Variants in NFIA observed in about 807,000 individuals in gnomAD.
The protein encoded by NFIA is nuclear factor I A.
In NFIA, 8 loss-of-function variants were observed where a neutral mutation model predicts 62.8. The observed-to-expected ratio is 0.13, with a 90% CI of 0.07 to 0.23. The LOEUF (loss-of-function observed/expected upper bound fraction) is 0.23. Among genes scored for constraint, NFIA ranks in the 10% least tolerant of loss-of-function variants. The pLI is 1.00. For synonymous variants in NFIA, 235 were observed against 238.1 expected, an observed-to-expected ratio of 0.99 and a Z score of 0.12; for missense variants, 410 against 642.1, an observed-to-expected ratio of 0.64 and a Z score of 3.91.
At chr1:61,118,946 G>T in intron 2 of NFIA, among the ~76,000 whole-genome samples, 1 of 152,004 alleles carries the variant, frequency 6.6e-6, no homozygotes, top group Non-Finnish European at 1.5e-5. Flanking sequence ...GAGGAGGATC[G>T]CTTTGATCTA....
chr1:61,237,517 A>G (rs1337348958), intron 2 of NFIA, among the ~76,000 whole-genome samples: 1 of 152,244 alleles, frequency 6.6e-6, no homozygotes, highest in Non-Finnish European at 1.5e-5. Context: ...TAGTGTTTTC[A>G]TCATTGGCAG....
upstream of NFIA, chr1:61,081,918 C>G: frequency 1.3e-6 from 2 of 1,549,294 alleles, no homozygotes; most frequent in Non-Finnish European, 1.7e-6. Flanking sequence ...CCTAGGAGGT[C>G]TGATTTTTCA....
In NFIA at chr1:61,220,461, T is replaced by C. The variant is rs1173875956; in HGVS notation, c.560-57059T>C. 3.3e-5 allele frequency among the ~76,000 whole-genome samples: 5 copies of C among 152,236 alleles called. No individual in the cohort carries two copies. The South Asian group carries it at 1.0e-3, about 32-fold the overall frequency. ...TACTGGGTATTTACCTAATTTATTG[T>C]GGCAATGCGGTATTTAGACCACTGA... is the stretch of plus-strand genomic sequence containing the variant. On this transcript the variant is annotated intron_variant, in intron 2 of 10. Coordinates refer to ENST00000403491, the MANE Select transcript of NFIA (RefSeq NM_001134673.4).
At chr1:61,344,028 T>C (rs1391014269) in intron 4 of NFIA, among the ~76,000 whole-genome samples, 12 of 152,350 alleles carry the variant, frequency 7.9e-5, no homozygotes, top group Admixed American at 3.3e-4. Context: ...CACAAATTGA[T>C]AAAATGAGTT....
At chr1:61,407,967 C>A (rs1665928844) in intron 9 of NFIA, among the ~76,000 whole-genome samples, 1 of 151,788 alleles carries the variant, frequency 6.6e-6, no homozygotes, top group Non-Finnish European at 1.5e-5. Context: ...GGGAAAGAGA[C>A]AAAGAAGAAA....
chr1:61,347,889 A>C (rs760935330), intron 4 of NFIA, among the ~76,000 whole-genome samples: 5 of 151,890 alleles, frequency 3.3e-5, no homozygotes, highest in Non-Finnish European at 7.4e-5. Context: ...TTTAACCCTG[A>C]CTCTCTCTTT....
chr1:61,113,596 GAAAA>G (rs376543670), intron 2 of NFIA, among the ~76,000 whole-genome samples: 4 of 106,990 alleles, frequency 3.7e-5, no homozygotes, highest in Non-Finnish European at 5.3e-5. Context: ...CTCCATCTCA[GAAAA>G]AAAAAAAAAA....
chr1:61,237,216 T>C (rs1655063146), intron 2 of NFIA, among the ~76,000 whole-genome samples: 1 of 152,232 alleles, frequency 6.6e-6, no homozygotes. Context: ...AACATCAAAC[T>C]TACATAGCCA....
At chr1:61,200,036 A>ATG (rs1652340217) in intron 2 of NFIA, among the ~76,000 whole-genome samples, 1 of 46,108 alleles carries the variant, frequency 2.2e-5, no homozygotes, top group Non-Finnish European at 3.8e-5. Context: ...ATATATATAT[A>ATG]TATATATATA....
intron 6 of NFIA, among the ~76,000 whole-genome samples, chr1:61,371,656 C>G (rs145806510): frequency 2.0e-5 from 3 of 152,254 alleles, no homozygotes; most frequent in African/African-American, 4.8e-5. Context: ...CTTGAGGGAG[C>G]AATTCAGTAA....
intron 2 of NFIA, among the ~76,000 whole-genome samples, chr1:61,176,531 T>C (rs1650358286): frequency 6.6e-6 from 1 of 152,148 alleles, no homozygotes; most frequent in Non-Finnish European, 1.5e-5. Flanking sequence ...CTCTGATTGC[T>C]TACTTCCACT....
chr1:61,143,302 G>T (rs147558836), intron 2 of NFIA, among the ~76,000 whole-genome samples: 1 of 152,166 alleles, frequency 6.6e-6, no homozygotes, highest in Admixed American at 6.5e-5. Context: ...CTTGACAAAC[G>T]TATGTTTGTG....
At chr1:61,199,099 A>C (rs1416572613) in intron 2 of NFIA, among the ~76,000 whole-genome samples, 1 of 152,088 alleles carries the variant, frequency 6.6e-6, no homozygotes, top group South Asian at 2.1e-4. Flanking sequence ...GGTACCCTTC[A>C]GTAGAATTCT....
At chr1:61,356,551 T>G (rs1569590246) in intron 5 of NFIA, among the ~76,000 whole-genome samples, 2 of 152,326 alleles carry the variant, frequency 1.3e-5, no homozygotes, top group East Asian at 3.9e-4. Flanking sequence ...ACAAGATAAA[T>G]TTGTTCAAAG....
upstream of NFIA, chr1:61,082,092 A>C: frequency 1.3e-6 from 2 of 1,514,680 alleles, no homozygotes; most frequent in Non-Finnish European, 1.8e-6. Flanking sequence ...GGGACGAGGA[A>C]AAGTAGTTTT....
intron 2 of NFIA, among the ~76,000 whole-genome samples, chr1:61,106,214 G>A (rs1057129633): frequency 6.6e-6 from 1 of 151,368 alleles, no homozygotes; most frequent in Non-Finnish European, 1.5e-5. Flanking sequence ...ATATATTACA[G>A]CACAGCTATT....
At chr1:61,077,558 AG>A, upstream of NFIA, 1 of 1,261,376 alleles carries the variant, frequency 7.9e-7, no homozygotes, top group South Asian at 2.4e-5. Flanking sequence ...TGCAAAAAAA[AG>A]GGGACAACAA....
intron 2 of NFIA, among the ~76,000 whole-genome samples, chr1:61,259,025 A>T (rs1397682928): frequency 6.6e-6 from 1 of 152,152 alleles, no homozygotes; most frequent in African/African-American, 2.4e-5. Flanking sequence ...CTGGCCAGGA[A>T]ATGTTTTTAA....
At chr1:61,311,777 A>G (rs1279130771) in intron 3 of NFIA, among the ~76,000 whole-genome samples, 3 of 152,246 alleles carry the variant, frequency 2.0e-5, no homozygotes, top group Non-Finnish European at 4.4e-5. Context: ...CCATTTAGTA[A>G]ACACATTATG....
Sources: gnomAD v4.1 joint callset for allele counts (sites outside exome capture counted in the v4.1 genomes callset) on GRCh38, gnomAD v4.1.1 for gene constraint, MANE v1.5 for transcripts, NCBI Gene and HGNC (gene_info 2026-07-23, HGNC 2026-07-21) for gene names.